Variants in TMEM98 observed in about 807,000 individuals in gnomAD.
The protein encoded by TMEM98 is transmembrane protein 98.
Under a neutral mutation model 25.0 loss-of-function variants are expected in TMEM98, and 18 were observed. The observed-to-expected ratio is 0.72, with a 90% confidence interval of 0.50 to 1.07. The LOEUF (loss-of-function observed/expected upper bound fraction) is 1.07. Ranked by LOEUF, TMEM98 falls within the 50% of genes least tolerant of loss-of-function variation. TMEM98 has a pLI of 0.00. For missense variants in TMEM98, 241 were observed against 289.0 expected, an observed-to-expected ratio of 0.83 and a Z score of 1.20; for synonymous variants, 103 against 112.4, an observed-to-expected ratio of 0.92 and a Z score of 0.53.
intron 5 of TMEM98, among the ~76,000 whole-genome samples, chr17:32,934,754 G>A (rs1370564075): frequency 6.6e-6 from 1 of 152,230 alleles, no homozygotes; most frequent in Non-Finnish European, 1.5e-5. Flanking sequence ...TGACTAGAAA[G>A]TCATCACTAG....
chr17:32,940,036 C>T (rs779943741), intron 7 of TMEM98, among the ~76,000 whole-genome samples: 10 of 152,172 alleles, frequency 6.6e-5, no homozygotes, highest in Non-Finnish European at 1.2e-4. Flanking sequence ...CCAGATGCAA[C>T]CCATTTAAGA....
chr17:32,937,378 C>T (rs540458046), intron 6 of TMEM98, among the ~76,000 whole-genome samples: 1 of 152,310 alleles, frequency 6.6e-6, no homozygotes, highest in South Asian at 2.1e-4. Context: ...TGAGGGAATA[C>T]ACGACCTGGT....
Position 32,940,839 on chromosome 17 carries a change from C to T in TMEM98, c.527C>T (p.Ala176Val). ...VSHLVLVTRN[A>V]CHLTGGLDWI... is the part of the protein sequence containing the mutation. ...CACCTGGTGCTGGTGACAAGGAATG[C>T]CTGCCATCTGACGGGAGGCCTGGAC... The change falls in exon 8 of 8, where the codon GCC becomes GTC. Residue 176 changes from alanine (A) to valine (V), a missense_variant. By Grantham distance (64) the Ala-to-Val change is moderately conservative (BLOSUM62 0). Coordinates refer to ENST00000579849, the MANE Select transcript of TMEM98 (RefSeq NM_015544.3). 6.2e-7 allele frequency: 1 copy of T among 1,614,206 alleles called. No homozygotes were observed.
At chr17:32,932,028 T>G (rs1171271681) in intron 3 of TMEM98, among the ~76,000 whole-genome samples, 3 of 151,386 alleles carry the variant, frequency 2.0e-5, no homozygotes. Context: ...TGGCCATACA[T>G]CTAAGCAACA....
In TMEM98 at chr17:32,935,575, G is replaced by C. The variant is rs115804243; in HGVS notation, c.298-757G>C. On this transcript the variant is annotated intron_variant, in intron 5 of 7. Coordinates refer to ENST00000579849, the MANE Select transcript of TMEM98 (RefSeq NM_015544.3). ...CTGCCCTTGAGTCTCTGTGGTGGGA[G>C]CTGGGAGAGGGGTCTGGGCTAACTC... 9.6e-3 allele frequency among the ~76,000 whole-genome samples: 1,455 copies of C among 152,274 alleles called. 23 individuals carry two copies. Among genetic ancestry groups the C allele is most frequent in the African/African-American group, 0.034 (1,392 of 41,546 alleles).
At chr17:32,934,355 AG>A in intron 5 of TMEM98, 31 bp downstream of exon 5, 2 of 1,613,610 alleles carry the variant, frequency 1.2e-6, no homozygotes, top group Non-Finnish European at 1.7e-6. Context: ...TGTGGGATAA[AG>A]GGTAGTCGAA....
chr17:32,938,869 T>A (rs562590754), intron 6 of TMEM98, among the ~76,000 whole-genome samples: 2 of 152,364 alleles, frequency 1.3e-5, no homozygotes, highest in South Asian at 4.1e-4. Flanking sequence ...GAGCTTTACA[T>A]ATTATTTGGC....
chr17:32,941,078 G>A lies in TMEM98; in HGVS notation c.*85G>A. On this transcript the variant is annotated 3_prime_UTR_variant, in exon 8 of 8. Transcript: ENST00000579849. ...TTAGCCTTCTACTTTTTCCTATAGA[G>A]TTAGTTGTTCTCCACGGCTGGAGAG... 4.9e-6 allele frequency: 6 copies of A among 1,222,302 alleles called. No homozygotes were observed. The highest frequency in any genetic ancestry group is 6.8e-6 in the Non-Finnish European group (6 of 886,796). 75.7% of individuals were successfully genotyped at this position (1,222,302 alleles called of 1,614,324 possible).
At chr17:32,931,688 A>G (rs1476630014) in intron 3 of TMEM98, 29 bp downstream of exon 3, 1 of 1,597,314 alleles carries the variant, frequency 6.3e-7, no homozygotes, top group Non-Finnish European at 8.5e-7. Context: ...GGCAAGGAGG[A>G]GGGGTGGGCT....
rs1050445419 is a variant in TMEM98, at chr17:32,942,337, T to C, written c.*1344T>C. The C allele has an allele frequency of 1.1e-4, 16 of 152,232 alleles. No homozygotes were observed. Among genetic ancestry groups the C allele is most frequent in the African/African-American group, 3.9e-4 (16 of 41,466 alleles). 9.4% of individuals were successfully genotyped at this position (152,232 alleles called of 1,614,324 possible). ...TCTCAGATTCTCAGAGCCAGCTTGC[T>C]CTTGGGAGAGGGGCCTGGTATAGGG... On this transcript the variant is annotated 3_prime_UTR_variant, in exon 8 of 8. Coordinates refer to ENST00000579849, the MANE Select transcript of TMEM98 (RefSeq NM_015544.3).
chr17:32,931,896 C>T (rs970539929), intron 3 of TMEM98, among the ~76,000 whole-genome samples: 2 of 152,106 alleles, frequency 1.3e-5, no homozygotes, highest in African/African-American at 4.8e-5. Flanking sequence ...TGAATATGAA[C>T]ATGTTCACCT....
intron 7 of TMEM98, among the ~76,000 whole-genome samples, chr17:32,940,456 G>A (rs1257341663): frequency 6.6e-6 from 1 of 152,130 alleles, no homozygotes; most frequent in African/African-American, 2.4e-5. Context: ...TTCACAAAGC[G>A]CTCTTTGGGG....
chr17:32,933,181 G>A lies in TMEM98; in HGVS notation c.139G>A (p.Val47Met). Residue 47 changes from valine to methionine, a missense_variant, in exon 4 of 8, where the codon GTG becomes ATG. By Grantham distance (21) the Val-to-Met change is conservative. Transcript: ENST00000579849. ...LLQRYDSKPI[V>M]DLIGAMETQS... ...GGGGGCCTTTTCTTCCAGGCCCATT[G>A]TGGACCTCATTGGTGCCATGGAGAC... The A allele has an allele frequency of 6.2e-7, 1 of 1,614,150 alleles. No individual in the cohort carries two copies. Among genetic ancestry groups the A allele is most frequent in the Non-Finnish European group, 8.5e-7 (1 of 1,180,008 alleles).
intron 5 of TMEM98, 89 bp downstream of exon 5, chr17:32,934,413 C>T: frequency 3.4e-6 from 5 of 1,466,114 alleles, no homozygotes; most frequent in Admixed American, 1.8e-5. Flanking sequence ...TTAGAAAGGG[C>T]ACTGACCTCT....
At chr17:32,931,203 T>TA in intron 1 of TMEM98, 124 bp from the exon 2 acceptor site, 1 of 237,892 alleles carries the variant, frequency 4.2e-6, no homozygotes, top group Non-Finnish European at 8.3e-6. Context: ...GACTCCATCT[T>TA]AAAAAAACAA....
chr17:32,940,402 G>A (rs529045942), intron 7 of TMEM98, among the ~76,000 whole-genome samples: 4 of 152,316 alleles, frequency 2.6e-5, no homozygotes, highest in African/African-American at 9.6e-5. Context: ...TCAGTGGGCA[G>A]CGGTTGGGGA....
Position 32,934,306 on chromosome 17 carries a change from C to T in TMEM98, c.279C>T (p.His93=). Reference sequence around the variant, plus strand: ...GTTTCCCCAGGGGTCTCATGTCCCACTGCATTGCCATCTTGAAGGTAACCC... The same window carrying T: ...GTTTCCCCAGGGGTCTCATGTCCCATTGCATTGCCATCTTGAAGGTAACCC... The part of the protein sequence containing the change: ...WIEDASGLMS[H]CIAILKICHT... Residue 93 remains histidine (H), a synonymous_variant, in exon 5 of 8, where the codon CAC becomes CAT. Transcript: ENST00000579849. 6.2e-7 allele frequency: 1 copy of T among 1,614,160 alleles called. No homozygotes were observed. The highest frequency in any genetic ancestry group is 8.5e-7 in the Non-Finnish European group (1 of 1,180,026).
chr17:32,934,309 C>T lies in TMEM98; in HGVS notation c.282C>T (p.Cys94=). Residue 94 remains cysteine, a synonymous_variant, in exon 5 of 8, where the codon TGC becomes TGT. Transcript: ENST00000579849. ...IEDASGLMSH[C]IAILKICHTL... ...TCCCCAGGGGTCTCATGTCCCACTG[C>T]ATTGCCATCTTGAAGGTAACCCTCT... is the stretch of plus-strand genomic sequence containing the variant. 1 of 1,614,150 alleles carries T rather than the reference C, an allele frequency of 6.2e-7. No individual in the cohort carries two copies. Among genetic ancestry groups the T allele is most frequent in the Non-Finnish European group, 8.5e-7 (1 of 1,180,026 alleles).
chr17:32,933,062 C>T, intron 3 of TMEM98, 112 bp from the exon 4 acceptor site: 1 of 1,455,558 alleles, frequency 6.9e-7, no homozygotes, highest in South Asian at 1.4e-5. Context: ...TGGTCTCTGC[C>T]CTAGCTTACT....
Sources: gnomAD v4.1 joint callset for allele counts (sites outside exome capture counted in the v4.1 genomes callset) on GRCh38, gnomAD v4.1.1 for gene constraint, MANE v1.5 for transcripts, NCBI Gene and HGNC (gene_info 2026-07-23, HGNC 2026-07-21) for gene names.